Variants in WLS observed in about 807,000 individuals in gnomAD.
WLS encodes the protein protein wntless homolog.
Under a neutral mutation model 62.8 loss-of-function variants are expected in WLS, and 23 were observed. That is an observed-to-expected ratio of 0.37 (90% CI 0.26 to 0.52). The LOEUF (loss-of-function observed/expected upper bound fraction) is 0.52, where lower values mean the gene tolerates loss of function less well. Among genes scored for constraint, WLS ranks in the 20% least tolerant of loss-of-function variants. The probability of loss-of-function intolerance (pLI) is 0.92; values close to 1 mark genes in which losing one functional copy is unlikely to be tolerated. For synonymous variants in WLS, 246 were observed against 244.1 expected (o/e 1.01, Z -0.07); for missense variants, 615 against 697.3 (o/e 0.88, Z 1.33).
At chr1:68,227,521 T>C (rs1333465201) in intron 1 of WLS, among the ~76,000 whole-genome samples, 1 of 152,082 alleles carries the variant, frequency 6.6e-6, no homozygotes, top group Admixed American at 6.5e-5. Context: ...CAATTACTCT[T>C]TTAAAAAAGA....
At chr1:68,222,444 T>C (rs1216396611) in intron 1 of WLS, among the ~76,000 whole-genome samples, 6 of 152,162 alleles carry the variant, frequency 3.9e-5, no homozygotes, top group Non-Finnish European at 7.4e-5. Flanking sequence ...GACAAAGTTA[T>C]TGCTATTTTA....
chr1:68,215,850 A>C (rs542068598), intron 1 of WLS, among the ~76,000 whole-genome samples: 13 of 152,286 alleles, frequency 8.5e-5, no homozygotes, highest in African/African-American at 2.9e-4. Flanking sequence ...TCACTAACTA[A>C]ACCCAGTAAA....
chr1:68,159,501 C>T (rs1009684693), intron 2 of WLS, among the ~76,000 whole-genome samples: 3 of 140,576 alleles, frequency 2.1e-5, no homozygotes, highest in African/African-American at 8.4e-5. Flanking sequence ...AGGGGCCTCA[C>T]TCTCTCTGAG....
chr1:68,177,792 C>G (rs1423753185), intron 2 of WLS, among the ~76,000 whole-genome samples: 2 of 152,174 alleles, frequency 1.3e-5, no homozygotes, highest in African/African-American at 4.8e-5. Flanking sequence ...CTGCGCCCAG[C>G]CAACTATTCA....
At chr1:68,178,679 C>A (rs1434544338) in intron 2 of WLS, among the ~76,000 whole-genome samples, 1 of 144,240 alleles carries the variant, frequency 6.9e-6, no homozygotes, top group African/African-American at 2.6e-5. Context: ...GCACTCCAGC[C>A]TAAGCAACAG....
At chr1:68,114,680 C>G (rs576121437) in intron 11 of WLS, among the ~76,000 whole-genome samples, 6 of 152,176 alleles carry the variant, frequency 3.9e-5, no homozygotes, top group Non-Finnish European at 8.8e-5. Context: ...GACCACTGGT[C>G]CCCTTTATCC....
At chr1:68,138,047 C>G in intron 10 of WLS, 114 bp from the exon 11 acceptor site, 1 of 1,213,538 alleles carries the variant, frequency 8.2e-7, no homozygotes, top group Non-Finnish European at 1.2e-6. Flanking sequence ...ATGTGGGAAA[C>G]ATGAAGGGCC....
chr1:68,208,306 G>C (rs1049057883), intron 1 of WLS, among the ~76,000 whole-genome samples: 1 of 152,154 alleles, frequency 6.6e-6, no homozygotes, highest in African/African-American at 2.4e-5. Context: ...CCTCTCTTCA[G>C]ATAAAGAGAA....
At chr1:68,155,404 C>T in intron 3 of WLS, 144 bp from the exon 4 acceptor site, 2 of 972,710 alleles carry the variant, frequency 2.1e-6, no homozygotes, top group Non-Finnish European at 2.8e-6. Flanking sequence ...ACAATGCATA[C>T]TGGAGGCATG....
At chr1:68,196,960 T>C (rs1277751704) in intron 1 of WLS, among the ~76,000 whole-genome samples, 3 of 152,128 alleles carry the variant, frequency 2.0e-5, no homozygotes, top group Non-Finnish European at 4.4e-5. Flanking sequence ...GTTGGAGAAA[T>C]AAACAGTGAG....
intron 1 of WLS, among the ~76,000 whole-genome samples, chr1:68,199,903 C>T (rs1009623683): frequency 2.0e-5 from 3 of 152,090 alleles, no homozygotes; most frequent in African/African-American, 7.2e-5. Context: ...CCACAAATGG[C>T]CCCAAAGAGC....
At chr1:68,207,090 G>A (rs982571547) in intron 1 of WLS, among the ~76,000 whole-genome samples, 2 of 152,136 alleles carry the variant, frequency 1.3e-5, no homozygotes, top group African/African-American at 4.8e-5. Flanking sequence ...CTAAAAGCAA[G>A]GACAAGCTAC....
At chr1:68,143,974 C>A (rs1646720739) in intron 10 of WLS, among the ~76,000 whole-genome samples, 1 of 152,178 alleles carries the variant, frequency 6.6e-6, no homozygotes, top group African/African-American at 2.4e-5. Flanking sequence ...GCCCTACTTA[C>A]CTCGTAGGAT....
chr1:68,208,401 T>C (rs1649372057), intron 1 of WLS, among the ~76,000 whole-genome samples: 1 of 152,074 alleles, frequency 6.6e-6, no homozygotes, highest in African/African-American at 2.4e-5. Context: ...CTTTGAGTTT[T>C]CATGATGCAC....
intron 2 of WLS, among the ~76,000 whole-genome samples, chr1:68,160,943 G>T (rs1300149845): frequency 6.6e-6 from 1 of 152,116 alleles, no homozygotes. Context: ...CTTTATCAAT[G>T]TCTAAAAAAG....
chr1:68,217,355 G>T (rs186291838), intron 1 of WLS, among the ~76,000 whole-genome samples: 1 of 152,118 alleles, frequency 6.6e-6, no homozygotes, highest in Admixed American at 6.6e-5. Flanking sequence ...CCAGAGGATC[G>T]CTACCCAATG....
At chr1:68,191,338 T>C (rs538819598) in intron 2 of WLS, among the ~76,000 whole-genome samples, 34 of 152,230 alleles carry the variant, frequency 2.2e-4, no homozygotes, top group African/African-American at 8.2e-4. Flanking sequence ...ATGGCTCTTC[T>C]TGTTGTCCTT....
At chr1:68,229,500 C>G (rs533078385) in intron 1 of WLS, among the ~76,000 whole-genome samples, 5 of 152,102 alleles carry the variant, frequency 3.3e-5, no homozygotes, top group South Asian at 2.1e-4. Context: ...TCTTCTCACT[C>G]GAGAGAGCAG....
chr1:68,119,168 CAT>C lies in WLS; in HGVS notation c.1510+18610_1510+18611del, dbSNP rs551150150. ...CATGTTATAGAAGACAACACAATAACATAGAAAGATTTCCTAGATATATTTTG... is the reference window on the plus strand; with the variant it reads ...CATGTTATAGAAGACAACACAATAACAGAAAGATTTCCTAGATATATTTTG... On this transcript the variant is annotated intron_variant, in intron 11 of 11. Transcript: ENST00000354777. 2.9e-3 allele frequency among the ~76,000 whole-genome samples: 439 copies of C among 152,056 alleles called. 2 individuals carry two copies. Among genetic ancestry groups the C allele is most frequent in the African/African-American group, 7.7e-3 (321 of 41,490 alleles).
Sources: gnomAD v4.1 joint callset for allele counts (sites outside exome capture counted in the v4.1 genomes callset) on GRCh38, gnomAD v4.1.1 for gene constraint, MANE v1.5 for transcripts, NCBI Gene and HGNC (gene_info 2026-07-23, HGNC 2026-07-21) for gene names.